CCDC102B: variants seen among roughly 807,000 people sequenced by gnomAD.
CCDC102B encodes coiled-coil domain containing 102B, also known as coiled-coil domain-containing protein 102B.
A neutral mutation model predicts 57.4 loss-of-function variants in CCDC102B; 75 were observed. The ratio of observed to expected loss-of-function variants is 1.31; its 90% CI spans 1.08 to 1.58. The LOEUF is 1.58. CCDC102B is among the 40% of genes most tolerant of loss of function. The pLI is 0.00. For missense variants in CCDC102B, 636 were observed against 582.6 expected (o/e 1.09, Z -0.94); for synonymous variants, 206 against 201.9 (o/e 1.02, Z -0.17).
intron 6 of CCDC102B, among the ~76,000 whole-genome samples, chr18:69,009,602 A>G (rs1363601260): frequency 1.3e-5 from 2 of 152,060 alleles, no homozygotes; most frequent in Non-Finnish European, 2.9e-5. Flanking sequence ...AACTTCCCCT[A>G]CGTGATGACT....
rs182782916 is a variant in CCDC102B, at chr18:68,740,519, T to C, written c.-67+23925T>C. ...CTATGCCATGATCAGATCATTCATG[T>C]GATCTCTAACATCGATGTGAGATTG... On this transcript the variant is annotated intron_variant, in intron 2 of 3. Coordinates refer to the CCDC102B transcript ENST00000578970. Among the ~76,000 whole-genome samples, 8 of 152,362 alleles carry C rather than the reference T, an allele frequency of 5.3e-5. No individual in the cohort carries two copies. In the East Asian group the frequency reaches 1.5e-3, roughly 29 times the overall value.
intron 6 of CCDC102B, among the ~76,000 whole-genome samples, chr18:68,945,108 CTGT>C (rs1568345344): frequency 2.3e-5 from 3 of 128,906 alleles, no homozygotes; most frequent in African/African-American, 9.6e-5. Flanking sequence ...CTCTCTCTCT[CTGT>C]CTCTCTCTCT....
intron 2 of CCDC102B, among the ~76,000 whole-genome samples, chr18:68,792,489 T>G (rs2035493850): frequency 6.6e-6 from 1 of 152,210 alleles, no homozygotes; most frequent in African/African-American, 2.4e-5. Flanking sequence ...GATTTTAGAT[T>G]ATTTTGTAGA....
chr18:68,978,777 G>T, intron 6 of CCDC102B, among the ~76,000 whole-genome samples: 1 of 151,994 alleles, frequency 6.6e-6, no homozygotes, highest in East Asian at 1.9e-4. Flanking sequence ...AAAAGATACA[G>T]AAGTACAAAA....
intron 7 of CCDC102B, among the ~76,000 whole-genome samples, chr18:69,031,697 A>T (rs2052150375): frequency 6.6e-6 from 1 of 152,006 alleles, no homozygotes; most frequent in Admixed American, 6.6e-5. Context: ...ATGTTCTATG[A>T]AGGTTTCACT....
In CCDC102B at chr18:68,857,197, T is replaced by A. The variant is rs1461870323; in HGVS notation, c.936+10776T>A. On this transcript the variant is annotated intron_variant, in intron 4 of 7. Coordinates refer to ENST00000360242, the MANE Select transcript of CCDC102B (RefSeq NM_024781.3). ...TATATAAAAATATATTTATATATTT[T>A]TATATAATATATAAAAATATATTTA... is the stretch of plus-strand genomic sequence containing the variant. Among the ~76,000 whole-genome samples the A allele has an allele frequency of 1.5e-4, 9 of 59,644 alleles. 2 individuals carry two copies. The highest frequency in any genetic ancestry group is 1.9e-4 in the Non-Finnish European group (7 of 36,244). The allele number at this position is 59,644 out of a possible 152,430, so 39.1% of individuals were successfully genotyped here. A position where few individuals can be genotyped will look rare whatever the true frequency, so the allele number is the denominator to read the frequency against.
intron 3 of CCDC102B, among the ~76,000 whole-genome samples, chr18:68,841,298 G>C (rs1195416965): frequency 6.6e-6 from 1 of 152,010 alleles, no homozygotes; most frequent in Non-Finnish European, 1.5e-5. Context: ...AAAACTCAGG[G>C]ACTCATTTTT....
intron 6 of CCDC102B, among the ~76,000 whole-genome samples, chr18:68,924,085 A>T (rs1419258373): frequency 6.6e-6 from 1 of 151,930 alleles, no homozygotes; most frequent in Non-Finnish European, 1.5e-5. Context: ...AAAACTTCTG[A>T]TGCTGTGGTA....
chr18:68,964,973 T>C (rs1383022789), intron 6 of CCDC102B, among the ~76,000 whole-genome samples: 1 of 152,044 alleles, frequency 6.6e-6, no homozygotes, highest in Non-Finnish European at 1.5e-5. Flanking sequence ...TATTTCCCTA[T>C]AGGTAAAGGG....
intron 6 of CCDC102B, among the ~76,000 whole-genome samples, chr18:68,957,465 G>A (rs904538775): frequency 6.6e-6 from 1 of 151,126 alleles, no homozygotes; most frequent in Non-Finnish European, 1.5e-5. Context: ...TTGTTCCATT[G>A]GTTTGTGAGT....
chr18:68,941,456 G>A (rs780216088), intron 6 of CCDC102B, among the ~76,000 whole-genome samples: 11 of 151,990 alleles, frequency 7.2e-5, no homozygotes, highest in Non-Finnish European at 1.3e-4. Context: ...CTATAATCAA[G>A]GTTATGAGGA....
At chr18:68,715,895 GACA>G (rs1196486035) in intron 1 of CCDC102B, among the ~76,000 whole-genome samples, 1 of 152,114 alleles carries the variant, frequency 6.6e-6, no homozygotes, top group Non-Finnish European at 1.5e-5. Flanking sequence ...GAAAACCTGT[GACA>G]ACAACAGAAG....
At chr18:68,937,903 C>T (rs2049284353) in intron 6 of CCDC102B, among the ~76,000 whole-genome samples, 1 of 152,036 alleles carries the variant, frequency 6.6e-6, no homozygotes. Context: ...TGATGGTTTC[C>T]AGCTTCATCC....
At chr18:69,021,461 T>C (rs1276079823) in intron 7 of CCDC102B, among the ~76,000 whole-genome samples, 1 of 152,218 alleles carries the variant, frequency 6.6e-6, no homozygotes. Flanking sequence ...CGAATTGATT[T>C]GTAAAAACCA....
At chr18:69,043,314 C>G (rs999739810) in intron 7 of CCDC102B, among the ~76,000 whole-genome samples, 1 of 152,030 alleles carries the variant, frequency 6.6e-6, no homozygotes, top group African/African-American at 2.4e-5. Context: ...TGCCCAGGGA[C>G]GGGCAGGAGA....
At chr18:68,920,239 C>T (rs1036535958) in intron 6 of CCDC102B, among the ~76,000 whole-genome samples, 1 of 152,070 alleles carries the variant, frequency 6.6e-6, no homozygotes, top group Non-Finnish European at 1.5e-5. Flanking sequence ...TTCCTGAAAG[C>T]TGGAGGCATC....
intron 6 of CCDC102B, among the ~76,000 whole-genome samples, chr18:68,980,237 C>A (rs1300263249): frequency 1.3e-5 from 2 of 151,274 alleles, no homozygotes; most frequent in Admixed American, 1.3e-4. Flanking sequence ...ACCCTCTCCT[C>A]CAGAATCATA....
intron 7 of CCDC102B, among the ~76,000 whole-genome samples, chr18:69,036,895 A>C (rs2052306891): frequency 6.6e-6 from 1 of 152,112 alleles, no homozygotes; most frequent in South Asian, 2.1e-4. Context: ...AAGAAGGAAT[A>C]GTCAGTACAC....
chr18:68,802,992 G>A (rs1467152886), intron 1 of CCDC102B, among the ~76,000 whole-genome samples: 1 of 152,138 alleles, frequency 6.6e-6, no homozygotes, highest in East Asian at 1.9e-4. Flanking sequence ...ATCATCATAG[G>A]TGTATTTGTG....
Sources: allele counts gnomAD v4.1 joint callset (sites outside exome capture counted in the v4.1 genomes callset), GRCh38; gene constraint gnomAD v4.1.1; transcripts MANE v1.5; gene names NCBI Gene and HGNC (gene_info 2026-07-23, HGNC 2026-07-21).